EML5: variants seen among roughly 807,000 people sequenced by gnomAD.
The protein encoded by EML5 is echinoderm microtubule-associated protein-like 5.
In EML5, 120 loss-of-function variants were observed where a neutral mutation model predicts 250.0. That is an observed-to-expected ratio of 0.48 (90% CI 0.41 to 0.56). The LOEUF (loss-of-function observed/expected upper bound fraction) is 0.56, where lower values mean the gene tolerates loss of function less well. Ranked by LOEUF, EML5 falls within the 20% of genes least tolerant of loss-of-function variation. The pLI, the probability that EML5 is intolerant of heterozygous loss-of-function variation, is 0.00. For synonymous variants in EML5, 771 were observed against 806.5 expected (o/e 0.96, Z 0.75); for missense variants, 2,006 against 2,437.6 (o/e 0.82, Z 3.73).
intron 7 of EML5, among the ~76,000 whole-genome samples, chr14:88,728,254 G>A (rs1029119011): frequency 5.3e-5 from 8 of 151,280 alleles, no homozygotes; most frequent in Admixed American, 2.0e-4. Context: ...CTATTTACAC[G>A]GCACTTACAC....
intron 1 of EML5, among the ~76,000 whole-genome samples, chr14:88,787,682 C>T (rs2094565008): frequency 1.3e-5 from 2 of 152,138 alleles, no homozygotes; most frequent in African/African-American, 4.8e-5. Flanking sequence ...TTTGATATTG[C>T]AACACATAAA....
intron 1 of EML5, among the ~76,000 whole-genome samples, chr14:88,779,692 C>G (rs375344426): frequency 6.6e-6 from 1 of 152,114 alleles, no homozygotes; most frequent in East Asian, 1.9e-4. Context: ...AGGCGCAAAC[C>G]AGGATCAGCT....
chr14:88,684,560 T>A (rs540333744), intron 20 of EML5, among the ~76,000 whole-genome samples: 1 of 151,804 alleles, frequency 6.6e-6, no homozygotes, highest in South Asian at 2.1e-4. Flanking sequence ...AACTTAAGAA[T>A]GGCCTAATGA....
intron 37 of EML5, chr14:88,622,109 C>T (rs2089102777): frequency 4.1e-6 from 1 of 243,794 alleles, no homozygotes; most frequent in South Asian, 5.0e-5. Context: ...AGTTTCTGCA[C>T]AGGAGTGAGA....
chr14:88,655,279 T>C (rs191602104), intron 27 of EML5, among the ~76,000 whole-genome samples: 18 of 152,086 alleles, frequency 1.2e-4, no homozygotes, highest in South Asian at 2.1e-4. Flanking sequence ...CCAAAACAGA[T>C]ATATAGACCA....
In EML5 at chr14:88,688,269, AC is replaced by A. The variant is rs2092881927; in HGVS notation, c.2742+1del. 6.2e-7 allele frequency: 1 copy of A among 1,613,654 alleles called. No individual in the cohort carries two copies. Among genetic ancestry groups the A allele is most frequent in the Non-Finnish European group, 8.5e-7 (1 of 1,179,854 alleles). On this transcript the variant is annotated splice_donor_variant, in intron 18 of 43. Coordinates refer to ENST00000554922, the MANE Select transcript of EML5 (RefSeq NM_183387.3). LOFTEE classifies it high-confidence loss of function. The stretch of plus-strand genomic sequence containing the variant: ...AATTTAAAATCTCTTTAGGTTACTT[AC>A]TTTTTCCAATGCATGCATACTGAAC...
intron 1 of EML5, among the ~76,000 whole-genome samples, chr14:88,756,481 A>G (rs2094161222): frequency 1.3e-5 from 2 of 152,318 alleles, no homozygotes; most frequent in South Asian, 4.1e-4. Context: ...CATTTAACTT[A>G]TTAGATATTC....
chr14:88,646,055 ACCAATC>A (rs1267214629), intron 29 of EML5, among the ~76,000 whole-genome samples: 1 of 152,202 alleles, frequency 6.6e-6, no homozygotes, highest in Non-Finnish European at 1.5e-5. Context: ...TCAATCATGC[ACCAATC>A]CCTTTCCAAA....
At chr14:88,689,742 A>G (rs770995151) in intron 17 of EML5, among the ~76,000 whole-genome samples, 8 of 152,096 alleles carry the variant, frequency 5.3e-5, no homozygotes, top group Non-Finnish European at 1.0e-4. Context: ...TCCAAACAAA[A>G]AGAGAGAGAG....
intron 33 of EML5, among the ~76,000 whole-genome samples, chr14:88,628,209 ATACATTCAG>A (rs1174945204): frequency 1.3e-5 from 2 of 152,202 alleles, no homozygotes; most frequent in Non-Finnish European, 2.9e-5. Flanking sequence ...AACACCAAGT[ATACATTCAG>A]TACTGATGTT....
Position 88,644,423 on chromosome 14 carries a change from T to C in EML5, c.4107+10A>G. The C allele has an allele frequency of 6.2e-7, 1 of 1,612,670 alleles. No homozygotes were observed. Among genetic ancestry groups the C allele is most frequent in the Middle Eastern group, 1.7e-4 (1 of 6,048 alleles). Reference sequence around the variant, plus strand: ...CATTTCAGTAACACTGGAGAGTGAGTTTTCCTTACCTCTATAGGTCTCTTT... The same window carrying C: ...CATTTCAGTAACACTGGAGAGTGAGCTTTCCTTACCTCTATAGGTCTCTTT... On this transcript the variant is annotated intron_variant, in intron 30 of 43. Transcript: ENST00000554922.
chr14:88,639,030 T>C (rs1026624395), intron 31 of EML5, 123 bp from the exon 32 acceptor site: 1 of 682,386 alleles, frequency 1.5e-6, no homozygotes, highest in African/African-American at 1.8e-5. Flanking sequence ...TTTTGAGCAC[T>C]TACTATGTAT....
At position 88,614,540 on chromosome 14, in the gene EML5, A is replaced by G. The variant is rs993665946; in HGVS notation, c.*1278T>C. Reference sequence around the variant, plus strand: ...TTCCAGGAACCTAAAGCGATCTATTATGCTATAAAGATAATTAACACATTA... The same window carrying G: ...TTCCAGGAACCTAAAGCGATCTATTGTGCTATAAAGATAATTAACACATTA... On this transcript the variant is annotated 3_prime_UTR_variant, in exon 44 of 44. Transcript: ENST00000554922. 2 of 152,230 alleles carry G rather than the reference A, an allele frequency of 1.3e-5. No homozygotes were observed. The highest frequency in any genetic ancestry group is 4.8e-5 in the African/African-American group (2 of 41,466). 9.4% of individuals were successfully genotyped at this position (152,230 alleles called of 1,614,324 possible).
At chr14:88,660,667 C>T (rs1282203071) in intron 25 of EML5, among the ~76,000 whole-genome samples, 6 of 151,312 alleles carry the variant, frequency 4.0e-5, no homozygotes, top group Admixed American at 1.3e-4. Context: ...AGCTTGAACC[C>T]GGGAGGTGGA....
chr14:88,739,379 T>G (rs977589500), intron 5 of EML5, among the ~76,000 whole-genome samples: 2 of 152,140 alleles, frequency 1.3e-5, no homozygotes, highest in African/African-American at 4.8e-5. Context: ...GACTTGAGTA[T>G]GTGTAGATTT....
At chr14:88,791,955 A>T (rs368698114) in intron 1 of EML5, among the ~76,000 whole-genome samples, 1 of 152,324 alleles carries the variant, frequency 6.6e-6, no homozygotes, top group South Asian at 2.1e-4. Flanking sequence ...AATGCGTTTA[A>T]TAAGAAATTT....
intron 27 of EML5, among the ~76,000 whole-genome samples, chr14:88,654,423 T>C (rs972530767): frequency 6.6e-6 from 1 of 152,244 alleles, no homozygotes; most frequent in Non-Finnish European, 1.5e-5. Flanking sequence ...TTTAGTGCTA[T>C]ACATTTCCCT....
chr14:88,749,988 AT>A (rs1433957120), intron 2 of EML5, among the ~76,000 whole-genome samples: 2 of 152,216 alleles, frequency 1.3e-5, no homozygotes, highest in East Asian at 3.8e-4. Flanking sequence ...GTTTTTGTAA[AT>A]AAAGTTTTAC....
At chr14:88,642,133 T>C (rs561391958) in intron 31 of EML5, among the ~76,000 whole-genome samples, 4 of 152,076 alleles carry the variant, frequency 2.6e-5, no homozygotes, top group Admixed American at 2.6e-4. Flanking sequence ...CAATCTACTC[T>C]TTACCCATTC....
Sources: gnomAD v4.1 joint callset for allele counts (sites outside exome capture counted in the v4.1 genomes callset) on GRCh38, gnomAD v4.1.1 for gene constraint, MANE v1.5 for transcripts, NCBI Gene and HGNC (gene_info 2026-07-23, HGNC 2026-07-21) for gene names.